Variants in PPFIA2 observed in about 807,000 individuals in gnomAD.
PPFIA2 encodes the protein liprin-alpha-2.
In PPFIA2, 46 loss-of-function variants were observed where a neutral mutation model predicts 175.5. The ratio of observed to expected loss-of-function variants is 0.26; its 90% CI spans 0.21 to 0.34. PPFIA2 has a LOEUF of 0.34. PPFIA2 is among the 10% of genes least tolerant of loss of function. The pLI is 1.00. For synonymous variants in PPFIA2, 568 were observed against 511.4 expected (o/e 1.11, Z -1.49); for missense variants, 1,179 against 1,506.1 (o/e 0.78, Z 3.60).
chr12:81,719,990 G>C (rs1001369074), intron 3 of PPFIA2, among the ~76,000 whole-genome samples: 1 of 151,292 alleles, frequency 6.6e-6, no homozygotes, highest in African/African-American at 2.4e-5. Flanking sequence ...TTTAGAGTTA[G>C]TAAATTTACC....
At chr12:81,285,541 A>C (rs1372621828) in intron 24 of PPFIA2, among the ~76,000 whole-genome samples, 1 of 152,096 alleles carries the variant, frequency 6.6e-6, no homozygotes, top group Non-Finnish European at 1.5e-5. Flanking sequence ...CTACATACCG[A>C]CATTGTAGTC....
intron 4 of PPFIA2, among the ~76,000 whole-genome samples, chr12:81,669,808 A>G (rs1197927097): frequency 6.6e-6 from 1 of 152,014 alleles, no homozygotes; most frequent in Non-Finnish European, 1.5e-5. Flanking sequence ...AAGGGAAGGA[A>G]GTAATGAAGA....
intron 19 of PPFIA2, among the ~76,000 whole-genome samples, chr12:81,344,031 C>G: frequency 6.6e-6 from 1 of 152,208 alleles, no homozygotes; most frequent in East Asian, 1.9e-4. Context: ...GTGGGCCAGG[C>G]TGAGACAACT....
intron 4 of PPFIA2, among the ~76,000 whole-genome samples, chr12:81,515,689 C>T (rs1181901581): frequency 6.6e-6 from 1 of 152,024 alleles, no homozygotes; most frequent in Non-Finnish European, 1.5e-5. Flanking sequence ...ACTTACCTCC[C>T]CCACATTTTC....
At chr12:81,478,902 G>A (rs547273473) in intron 4 of PPFIA2, among the ~76,000 whole-genome samples, 7 of 152,266 alleles carry the variant, frequency 4.6e-5, no homozygotes, top group African/African-American at 1.7e-4. Flanking sequence ...TGTTGATTCG[G>A]AGTGGAGAGT....
rs1206969157 is a variant in PPFIA2, at chr12:81,562,847, A to C, written c.304-104981T>G. ...GGGCGACAGAGCGAGACTCTGTCTC[A>C]AAAAAAAAAAAAAAAAAAAAAAAAA... On this transcript the variant is annotated intron_variant, in intron 4 of 32. Transcript: ENST00000549396. 6.9e-5 allele frequency among the ~76,000 whole-genome samples: 3 copies of C among 43,322 alleles called. No homozygotes were observed. The Admixed American group carries it at 8.7e-4, about 13-fold the overall frequency. 28.4% of individuals were successfully genotyped at this position (43,322 alleles called of 152,430 possible).
At chr12:81,412,184 C>A (rs1183536322) in intron 7 of PPFIA2, among the ~76,000 whole-genome samples, 2 of 151,594 alleles carry the variant, frequency 1.3e-5, no homozygotes, top group Non-Finnish European at 2.9e-5. Flanking sequence ...TCTTTTTATG[C>A]TAAAATTTTA....
At chr12:81,381,048 G>A (rs1300483400) in intron 9 of PPFIA2, among the ~76,000 whole-genome samples, 1 of 150,738 alleles carries the variant, frequency 6.6e-6, no homozygotes, top group Non-Finnish European at 1.5e-5. Flanking sequence ...CAGGCTGAGT[G>A]TAGGCCATTT....
At chr12:81,547,680 T>A (rs2067218621) in intron 4 of PPFIA2, among the ~76,000 whole-genome samples, 1 of 152,166 alleles carries the variant, frequency 6.6e-6, no homozygotes, top group South Asian at 2.1e-4. Flanking sequence ...CAAAGATAAC[T>A]GGGGAATTGG....
At position 81,374,785 on chromosome 12, in the gene PPFIA2, A is replaced by G. The variant is rs1464194489; in HGVS notation, c.1132-17T>C. On this transcript the variant is annotated splice_polypyrimidine_tract_variant and intron_variant, in intron 10 of 32. Coordinates refer to ENST00000549396, the MANE Select transcript of PPFIA2 (RefSeq NM_003625.5). ...CTCTTCCATCTGAAATGGGAATGGGAGCAGAGACACTTAAAGAGTCAGAGT... is the reference window on the plus strand; with the variant it reads ...CTCTTCCATCTGAAATGGGAATGGGGGCAGAGACACTTAAAGAGTCAGAGT... 6.2e-7 allele frequency: 1 copy of G among 1,606,926 alleles called. No homozygotes were observed. Among genetic ancestry groups the G allele is most frequent in the Non-Finnish European group, 8.5e-7 (1 of 1,175,910 alleles).
intron 3 of PPFIA2, among the ~76,000 whole-genome samples, chr12:81,711,286 G>T (rs1369719299): frequency 1.3e-5 from 2 of 151,088 alleles, no homozygotes; most frequent in Admixed American, 1.4e-4. Context: ...AATTGTTATG[G>T]GAGCTATAAA....
chr12:81,705,514 A>AGT (rs1296029686), intron 3 of PPFIA2, among the ~76,000 whole-genome samples: 3 of 151,944 alleles, frequency 2.0e-5, no homozygotes, highest in Non-Finnish European at 4.4e-5. Context: ...CTACTCACAG[A>AGT]GTGTCCATAG....
chr12:81,679,560 A>C (rs2073211912), intron 3 of PPFIA2, among the ~76,000 whole-genome samples: 1 of 152,072 alleles, frequency 6.6e-6, no homozygotes, highest in Middle Eastern at 3.4e-3. Flanking sequence ...AGAAAGAAGA[A>C]TGTAGAAGAT....
At chr12:81,508,311 C>T (rs540188059) in intron 4 of PPFIA2, among the ~76,000 whole-genome samples, 3 of 151,912 alleles carry the variant, frequency 2.0e-5, no homozygotes, top group South Asian at 2.1e-4. Flanking sequence ...CACCTGAGGT[C>T]GGGAGGTCGA....
At chr12:81,418,674 C>G (rs1228148960) in intron 7 of PPFIA2, among the ~76,000 whole-genome samples, 1 of 151,750 alleles carries the variant, frequency 6.6e-6, no homozygotes, top group Non-Finnish European at 1.5e-5. Flanking sequence ...TTGCTGATAC[C>G]TGGTCTAGTG....
At chr12:81,264,472 A>G (rs1479524417) in intron 30 of PPFIA2, among the ~76,000 whole-genome samples, 1 of 152,126 alleles carries the variant, frequency 6.6e-6, no homozygotes, top group Non-Finnish European at 1.5e-5. Flanking sequence ...GGGAAGGACT[A>G]TCTATGCCAT....
intron 3 of PPFIA2, among the ~76,000 whole-genome samples, chr12:81,723,216 T>C (rs1056289705): frequency 1.3e-5 from 2 of 151,032 alleles, no homozygotes; most frequent in African/African-American, 2.4e-5. Flanking sequence ...AATTAATATC[T>C]CAAAATGCTA....
At chr12:81,478,704 A>G (rs149668902) in intron 4 of PPFIA2, among the ~76,000 whole-genome samples, 1,956 of 152,260 alleles carry the variant, frequency 0.013, 40 homozygotes, top group African/African-American at 0.044. Context: ...CAGGTTATCC[A>G]GTTTCCATGT....
intron 6 of PPFIA2, 78 bp from the exon 7 acceptor site, chr12:81,440,124 A>ACC: frequency 1.9e-6 from 2 of 1,060,504 alleles, no homozygotes; most frequent in East Asian, 5.6e-5. Context: ...AATTAACATC[A>ACC]TCAGAGACAG....
Sources: gnomAD v4.1 joint callset for allele counts (sites outside exome capture counted in the v4.1 genomes callset) on GRCh38, gnomAD v4.1.1 for gene constraint, MANE v1.5 for transcripts, NCBI Gene and HGNC (gene_info 2026-07-23, HGNC 2026-07-21) for gene names.